CCT5: variants seen among roughly 807,000 people sequenced by gnomAD.
CCT5 encodes chaperonin containing TCP1 subunit 5.
Under a neutral mutation model 55.0 loss-of-function variants are expected in CCT5, and 6 were observed. The observed-to-expected ratio is 0.11, with a 90% CI of 0.06 to 0.22. The LOEUF is 0.22. Among genes scored for constraint, CCT5 ranks in the 10% least tolerant of loss-of-function variants. CCT5 has a pLI of 1.00. For missense variants in CCT5, 560 were observed against 694.6 expected (o/e 0.81, Z 2.18); for synonymous variants, 231 against 243.7 (o/e 0.95, Z 0.49).
Position 10,265,136 on chromosome 5 carries a change from C to T in CCT5, c.*353C>T, listed in dbSNP as rs759152405. The T allele has an allele frequency of 1.2e-5, 3 of 251,610 alleles. No homozygotes were observed. The highest frequency in any genetic ancestry group is 2.3e-5 in the Non-Finnish European group (3 of 128,658). The allele number at this position is 251,610 out of a possible 1,614,324, so 15.6% of individuals were successfully genotyped here. On this transcript the variant is annotated 3_prime_UTR_variant, in exon 11 of 11. Transcript: ENST00000280326. The stretch of plus-strand genomic sequence containing the variant: ...TAAGCTGTAGGGACTATTTTAACAG[C>T]TTAAACAGGAGCTCTCAAGATGCAC...
At position 10,260,902 on chromosome 5, in the gene CCT5, T is replaced by G; in HGVS notation, c.984T>G (p.Pro328=). ...NLPAVRWVGG[P]EIELIAIATG... ...CTGCGGTTCGCTGGGTAGGAGGACC[T>G]GAAATTGAGGTAGGATGTTCCACGT... The change falls in exon 7 of 11, where the codon CCT becomes CCG. Residue 328 remains proline, a synonymous_variant. Coordinates refer to ENST00000280326, the MANE Select transcript of CCT5 (RefSeq NM_012073.5). 1 of 1,614,044 alleles carries G rather than the reference T, an allele frequency of 6.2e-7. No homozygotes were observed. Among genetic ancestry groups the G allele is most frequent in the Admixed American group, 1.7e-5 (1 of 60,006 alleles).
chr5:10,252,836 T>C (rs1745494082), intron 1 of CCT5, among the ~76,000 whole-genome samples: 1 of 152,178 alleles, frequency 6.6e-6, no homozygotes, highest in Non-Finnish European at 1.5e-5. Context: ...TGCCGAGCAG[T>C]AGGGCAAAAT....
intron 4 of CCT5, among the ~76,000 whole-genome samples, chr5:10,257,216 G>C (rs567253142): frequency 2.0e-5 from 3 of 152,326 alleles, no homozygotes; most frequent in African/African-American, 7.2e-5. Context: ...GCCTATGTTA[G>C]AGCAGAAGCC....
chr5:10,263,341 GA>G lies in CCT5; in HGVS notation c.1498+28del, dbSNP rs147103051. The G allele has an allele frequency of 0.9, 1,423,661 of 1,587,834 alleles. 640,444 individuals carry two copies. The highest frequency in any genetic ancestry group is 0.95 in the African/African-American group (66,703 of 70,344). On this transcript the variant is annotated intron_variant, in intron 10 of 10. Transcript: ENST00000280326. ...TGAGGAGCTGTCACGCCTCTGCGTGGAGGGGGGGGGATGTCTGATTTAAACT... is the reference window on the plus strand; with the variant it reads ...TGAGGAGCTGTCACGCCTCTGCGTGGGGGGGGGGGATGTCTGATTTAAACT...
At position 10,250,422 on chromosome 5, in the gene CCT5, C is replaced by G; in HGVS notation, c.82C>G (p.Leu28Val). ...IIKDQDRKSR[L>V]MGLEALKSHI... ...CAAGGATCAGGACCGCAAGTCCCGT[C>G]TTATGGGACTTGAGGCCCTCAAGGT... Residue 28 changes from leucine to valine, a missense_variant, in exon 1 of 11, where the codon CTT becomes GTT. Physicochemically the swap from Leu to Val is conservative, Grantham distance 32. Coordinates refer to ENST00000280326, the MANE Select transcript of CCT5 (RefSeq NM_012073.5). The G allele has an allele frequency of 6.2e-7, 1 of 1,613,750 alleles. No individual in the cohort carries two copies. Among genetic ancestry groups the G allele is most frequent in the Non-Finnish European group, 8.5e-7 (1 of 1,180,026 alleles).
At chr5:10,256,477 G>C (rs1745686650) in intron 4 of CCT5, among the ~76,000 whole-genome samples, 1 of 152,152 alleles carries the variant, frequency 6.6e-6, no homozygotes, top group African/African-American at 2.4e-5. Context: ...AGCACTTTAG[G>C]AGGCCAAAGC....
At chr5:10,260,986 T>C in intron 7 of CCT5, 75 bp downstream of exon 7, 1 of 1,483,760 alleles carries the variant, frequency 6.7e-7, no homozygotes, top group South Asian at 1.1e-5. Context: ...TTGATAGCCC[T>C]GCCTTAAATA....
Position 10,261,670 on chromosome 5 carries a change from G to A in CCT5, c.1104G>A (p.Lys368=), listed in dbSNP as rs1182667232. The A allele has an allele frequency of 5.6e-6, 9 of 1,613,988 alleles. No individual in the cohort carries two copies. Among genetic ancestry groups the A allele is most frequent in the Non-Finnish European group, 7.6e-6 (9 of 1,180,006 alleles). The stretch of plus-strand genomic sequence containing the variant: ...AGGAGATCTCATTTGGGACAACTAA[G>A]GATAAAATGCTGGTCATCGAGCAGT... The part of the protein sequence containing the change: ...LVQEISFGTT[K]DKMLVIEQCK... The change falls in exon 8 of 11, where the codon AAG becomes AAA. Residue 368 remains lysine, a synonymous_variant. Coordinates refer to ENST00000280326, the MANE Select transcript of CCT5 (RefSeq NM_012073.5).
At chr5:10,250,010 T>C (rs1392915180), upstream of CCT5, 1 of 1,536,478 alleles carries the variant, frequency 6.5e-7, no homozygotes, top group Non-Finnish European at 8.7e-7. Context: ...GTCAATGAAT[T>C]CCTCCTTGGG....
At chr5:10,263,070 T>G (rs527246016) in intron 9 of CCT5, 64 bp from the exon 10 acceptor site, 1 of 1,375,582 alleles carries the variant, frequency 7.3e-7, no homozygotes, top group South Asian at 1.2e-5. Context: ...AGTTGTGTTT[T>G]CACGGTGCCG....
At chr5:10,261,998 T>TA (rs1256350911) in intron 8 of CCT5, 1 of 468,846 alleles carries the variant, frequency 2.1e-6, no homozygotes, top group African/African-American at 2.0e-5. Flanking sequence ...TTTAAATACT[T>TA]AAACACAGTT....
chr5:10,254,648 A>G (rs776248642), intron 2 of CCT5, 26 bp from the exon 3 acceptor site: 1 of 1,613,160 alleles, frequency 6.2e-7, no homozygotes, highest in Admixed American at 1.7e-5. Flanking sequence ...TTTTTTGCGC[A>G]AAGCCTACTA....
Position 10,263,315 on chromosome 5 carries a change from G to A in CCT5, c.1498+1G>A, listed in dbSNP as rs770098638. On this transcript the variant is annotated splice_donor_variant, in intron 10 of 10. Coordinates refer to ENST00000280326, the MANE Select transcript of CCT5 (RefSeq NM_012073.5). LOFTEE classifies it high-confidence loss of function. ...GACTGTTTGCACAAGGGGACAAATG[G>A]TGAGGAGCTGTCACGCCTCTGCGTG... 2.5e-6 allele frequency: 4 copies of A among 1,607,886 alleles called. No homozygotes were observed. The highest frequency in any genetic ancestry group is 1.1e-5 in the South Asian group (1 of 90,846).
Position 10,263,274 on chromosome 5 carries a change from C to T in CCT5, c.1458C>T (p.Asn486=), listed in dbSNP as rs201780625. Residue 486 remains asparagine (N), a synonymous_variant, in exon 10 of 11, where the codon AAC becomes AAT. Coordinates refer to ENST00000280326, the MANE Select transcript of CCT5 (RefSeq NM_012073.5). ...GAGCCAGACAGGTGAAGGAGATGAA[C>T]CCTGCTCTTGGCATCGACTGTTTGC... The part of the protein sequence containing the change: ...EVRARQVKEM[N]PALGIDCLHK... 3.7e-6 allele frequency: 6 copies of T among 1,614,144 alleles called. No homozygotes were observed. The East Asian group carries it at 6.7e-5, about 18-fold the overall frequency.
intron 10 of CCT5, 47 bp from the exon 11 acceptor site, chr5:10,264,608 GT>G (rs778254277): frequency 1.6e-6 from 2 of 1,234,076 alleles, no homozygotes; most frequent in Admixed American, 3.4e-5. Context: ...GTTATTGATA[GT>G]TTATTGTATG....
rs368140092 is a variant in CCT5 at position 10,263,330 on chromosome 5, G to A, written c.1498+16G>A. ...GGGACAAATGGTGAGGAGCTGTCAC[G>A]CCTCTGCGTGGAGGGGGGGGGATGT... On this transcript the variant is annotated intron_variant, in intron 10 of 10. Transcript: ENST00000280326. The A allele has an allele frequency of 3.0e-5, 45 of 1,486,774 alleles. 1 individual carries two copies. Among genetic ancestry groups the A allele is most frequent in the African/African-American group, 1.9e-4 (8 of 42,500 alleles). The allele number at this position is 1,486,774 out of a possible 1,614,324, so 92.1% of individuals were successfully genotyped here.
rs1187426615 is a variant in CCT5 at position 10,262,543 on chromosome 5, C to T, written c.1242C>T (p.Arg414=). 7 of 1,614,050 alleles carry T rather than the reference C, an allele frequency of 4.3e-6. No individual in the cohort carries two copies. The highest frequency in any genetic ancestry group is 1.3e-5 in the African/African-American group (1 of 74,934). ...TGTGTGTCATCCGGAACCTCATCCG[C>T]GATAATCGTGTGGTGTATGGAGGAG... is the stretch of plus-strand genomic sequence containing the variant. ...DALCVIRNLI[R]DNRVVYGGGA... The change falls in exon 9 of 11, where the codon CGC becomes CGT. Residue 414 remains arginine, a synonymous_variant. Coordinates refer to ENST00000280326, the MANE Select transcript of CCT5 (RefSeq NM_012073.5).
At chr5:10,250,046 G>GT (rs1193720193), upstream of CCT5, 1 of 1,541,648 alleles carries the variant, frequency 6.5e-7, no homozygotes, top group African/African-American at 1.4e-5. Context: ...ACTATCAGTG[G>GT]TAACGTTTTA....
chr5:10,254,235 C>T, intron 2 of CCT5, 30 bp downstream of exon 2: 1 of 1,420,652 alleles, frequency 7.0e-7, no homozygotes, highest in Non-Finnish European at 1.0e-6. Context: ...TGTTTTTTAG[C>T]AAAAGATTTA....
Sources: gnomAD v4.1 joint callset for allele counts (sites outside exome capture counted in the v4.1 genomes callset) on GRCh38, gnomAD v4.1.1 for gene constraint, MANE v1.5 for transcripts, NCBI Gene and HGNC (gene_info 2026-07-23, HGNC 2026-07-21) for gene names.